APC: variants seen among roughly 807,000 people sequenced by gnomAD.
APC encodes the protein APC regulator of Wnt signaling pathway.
In APC, 72 loss-of-function variants were observed where a neutral mutation model predicts 247.0. The observed-to-expected ratio is 0.29, with a 90% CI of 0.24 to 0.35. APC has a LOEUF of 0.35. Ranked by LOEUF, APC falls within the 10% of genes least tolerant of loss-of-function variation. The pLI, the probability that APC is intolerant of heterozygous loss-of-function variation, is 1.00. For synonymous variants in APC, 1,254 were observed against 1,162.5 expected (o/e 1.08, Z -1.60); for missense variants, 3,400 against 3,360.7 (o/e 1.01, Z -0.29).
At chr5:112,810,889 G>A (rs935105449) in intron 8 of APC, among the ~76,000 whole-genome samples, 1 of 152,138 alleles carries the variant, frequency 6.6e-6, no homozygotes, top group Non-Finnish European at 1.5e-5. Context: ...GCCAGGAGTG[G>A]TGGCACATGC....
At chr5:112,749,471 C>T (rs1940461271) in intron 1 of APC, among the ~76,000 whole-genome samples, 1 of 146,362 alleles carries the variant, frequency 6.8e-6, no homozygotes, top group Non-Finnish European at 1.5e-5. Context: ...TTAATACTTA[C>T]TGCTCCAATT....
At chr5:112,831,563 A>G (rs781200506) in intron 14 of APC, among the ~76,000 whole-genome samples, 15 of 151,752 alleles carry the variant, frequency 9.9e-5, no homozygotes, top group East Asian at 9.6e-4. Context: ...TTCAATATCA[A>G]TTCCCTCTCA....
At chr5:112,805,688 A>G (rs562921877) in intron 8 of APC, among the ~76,000 whole-genome samples, 5 of 152,248 alleles carry the variant, frequency 3.3e-5, no homozygotes, top group African/African-American at 1.2e-4. Flanking sequence ...GGGGTTTATT[A>G]GTTTGTTTTG....
Position 112,801,360 on chromosome 5 carries a change from A to G in APC, c.811A>G (p.Met271Val), listed in dbSNP as rs587781464. ...AGGTCAAGGAGTGGGAGAAATCAAC[A>G]TGGCAACTTCTGGTAATGGTCAGGT... ...NEGQGVGEIN[M>V]ATSGNGQGST... The change falls in exon 8 of 16, where the codon ATG (methionine) becomes GTG (valine). Residue 271 changes from methionine (M) to valine (V), a missense_variant. Transcript: ENST00000257430. 3.1e-6 allele frequency: 5 copies of G among 1,611,480 alleles called. No individual in the cohort carries two copies. The highest frequency in any genetic ancestry group is 2.7e-5 in the African/African-American group (2 of 74,864).
At position 112,707,657 on chromosome 5, in the gene APC, T is replaced by C. The variant is rs1554060241; in HGVS notation, c.-61T>C. The C allele has an allele frequency of 3.7e-6, 5 of 1,366,608 alleles. No homozygotes were observed. The African/African-American group carries it at 7.2e-5, about 20-fold the overall frequency. 84.7% of individuals were successfully genotyped at this position (1,366,608 alleles called of 1,614,324 possible). A position where few individuals can be genotyped will look rare whatever the true frequency, so the allele number is the denominator to read the frequency against. ...GCTCGATGCTGTTCCCAGGTACTGT[T>C]GTTGGCTGTTGGTGAGGAAGGTGAA... On this transcript the variant is annotated 5_prime_UTR_variant, in exon 1 of 14. Transcript: ENST00000507379.
At chr5:112,729,665 T>C (rs567226522) in intron 1 of APC, among the ~76,000 whole-genome samples, 2 of 152,350 alleles carry the variant, frequency 1.3e-5, no homozygotes, top group South Asian at 4.1e-4. Flanking sequence ...TAAGGGCTCA[T>C]GTCATTACAT....
intron 8 of APC, among the ~76,000 whole-genome samples, chr5:112,813,585 C>G (rs1473125937): frequency 6.6e-6 from 1 of 152,032 alleles, no homozygotes; most frequent in Non-Finnish European, 1.5e-5. Flanking sequence ...ATCTGGCAAA[C>G]AGTTTACGTT....
At chr5:112,713,540 T>G (rs987655682) in intron 1 of APC, among the ~76,000 whole-genome samples, 7 of 152,204 alleles carry the variant, frequency 4.6e-5, no homozygotes, top group Non-Finnish European at 8.8e-5. Flanking sequence ...AATGGCTGAT[T>G]AGAAGAAAAC....
Position 112,780,738 on chromosome 5 carries a change from T to C in APC, c.532-52T>C, listed in dbSNP as rs1241110944. The C allele has an allele frequency of 2.3e-6, 3 of 1,310,006 alleles. No homozygotes were observed. The African/African-American group carries it at 4.4e-5, about 19-fold the overall frequency. The allele number at this position is 1,310,006 out of a possible 1,614,324, so 81.1% of individuals were successfully genotyped here. ...TTCTTATATGCTTTTTTGCTTTTAC[T>C]GATTAACGTAAATACAAGATATTGA... On this transcript the variant is annotated intron_variant, in intron 5 of 15. Transcript: ENST00000257430.
In APC at chr5:112,788,590, A is replaced by G. The variant is rs150443897; in HGVS notation, c.646-3856A>G. 4.9e-3 allele frequency among the ~76,000 whole-genome samples: 751 copies of G among 152,292 alleles called. 5 individuals carry two copies. Among genetic ancestry groups the G allele is most frequent in the Non-Finnish European group, 5.5e-3 (371 of 67,994 alleles). The stretch of plus-strand genomic sequence containing the variant: ...GAACCTGGCACATAGTAAGCAAATT[A>G]TTAGGTATTCTTACTAATTTTATAT... On this transcript the variant is annotated intron_variant, in intron 6 of 15. Transcript: ENST00000257430.
At chr5:112,714,981 G>A (rs911945995) in intron 1 of APC, among the ~76,000 whole-genome samples, 1 of 152,178 alleles carries the variant, frequency 6.6e-6, no homozygotes, top group African/African-American at 2.4e-5. Context: ...ATAGAGTTGA[G>A]GTACCCCTTG....
chr5:112,816,116 T>G (rs1248661859), intron 9 of APC, among the ~76,000 whole-genome samples: 1 of 152,160 alleles, frequency 6.6e-6, no homozygotes, highest in Non-Finnish European at 1.5e-5. Context: ...ACTTTCCCCC[T>G]CCCTTCCTTG....
intron 14 of APC, among the ~76,000 whole-genome samples, chr5:112,831,917 T>A (rs1764343214): frequency 6.6e-6 from 1 of 152,236 alleles, no homozygotes; most frequent in South Asian, 2.1e-4. Context: ...CTGGGGCAGT[T>A]ACAATTTGAC....
chr5:112,792,665 C>T (rs572268849), intron 7 of APC, 136 bp downstream of exon 7: 74 of 663,908 alleles, frequency 1.1e-4, no homozygotes, highest in Middle Eastern at 4.0e-4. Context: ...TAATTTTTTT[C>T]GTGAAATTAA....
In APC at chr5:112,846,084, T is replaced by C; in HGVS notation, c.*1958T>C. The C allele has an allele frequency of 4.3e-6, 1 of 232,340 alleles. No individual in the cohort carries two copies. Among genetic ancestry groups the C allele is most frequent in the Non-Finnish European group, 8.5e-6 (1 of 117,496 alleles). The allele number at this position is 232,340 out of a possible 1,614,324, so 14.4% of individuals were successfully genotyped here. A position where few individuals can be genotyped will look rare whatever the true frequency, so the allele number is the denominator to read the frequency against. Reference sequence around the variant, plus strand: ...CTAAGATATTTGACTCCAATGCCTGTACTGTGTCTACTGCACCACTTTGTA... The same window carrying C: ...CTAAGATATTTGACTCCAATGCCTGCACTGTGTCTACTGCACCACTTTGTA... On this transcript the variant is annotated 3_prime_UTR_variant, in exon 16 of 16. Coordinates refer to ENST00000257430, the MANE Select transcript of APC (RefSeq NM_000038.6).
chr5:112,766,814 A>G (rs1394250474), intron 3 of APC, among the ~76,000 whole-genome samples: 1 of 152,174 alleles, frequency 6.6e-6, no homozygotes, highest in Non-Finnish European at 1.5e-5. Context: ...ATATAAGTTG[A>G]TTATAATTCA....
At chr5:112,721,811 T>C (rs910377260) in intron 1 of APC, among the ~76,000 whole-genome samples, 1 of 152,196 alleles carries the variant, frequency 6.6e-6, no homozygotes, top group African/African-American at 2.4e-5. Flanking sequence ...TTGGGCCTCG[T>C]TGGCAAATTT....
At chr5:112,806,730 C>T (rs950486543) in intron 8 of APC, among the ~76,000 whole-genome samples, 1 of 152,152 alleles carries the variant, frequency 6.6e-6, no homozygotes, top group African/African-American at 2.4e-5. Context: ...GTGCACACCA[C>T]TGTGCCTGGC....
At chr5:112,778,110 G>T in intron 5 of APC, 1 of 211,396 alleles carries the variant, frequency 4.7e-6, no homozygotes. Context: ...AGATTCTTCC[G>T]GCTCTGCCTC....
Sources: allele counts gnomAD v4.1 joint callset (sites outside exome capture counted in the v4.1 genomes callset), GRCh38; gene constraint gnomAD v4.1.1; transcripts MANE v1.5; gene names NCBI Gene and HGNC (gene_info 2026-07-23, HGNC 2026-07-21).